Variants in PKD1L1 observed in about 807,000 individuals in gnomAD.
PKD1L1 encodes polycystin 1 like 1, transient receptor potential channel interacting, also known as polycystin-1-like protein 1.
A neutral mutation model predicts 323.4 loss-of-function variants in PKD1L1; 236 were observed. That is an observed-to-expected ratio of 0.73 (90% CI 0.66 to 0.81). PKD1L1 has a LOEUF of 0.81. Ranked by LOEUF, PKD1L1 falls within the 40% of genes least tolerant of loss-of-function variation. The pLI, the probability that PKD1L1 is intolerant of heterozygous loss-of-function variation, is 0.00. For missense variants in PKD1L1, 3,320 were observed against 3,508.0 expected (o/e 0.95, Z 1.35); for synonymous variants, 1,344 against 1,335.0 (o/e 1.01, Z -0.15).
Position 47,831,331 on chromosome 7 carries a change from C to T in PKD1L1, c.6359G>A (p.Gly2120Glu). The part of the protein sequence containing the change: ...HTQAPSSGLE[G>E]LMPQWSRALQ... ...GGCCCTTGACCACTGGGGCATTAGT[C>T]CCTCCAAACCACTGCTGGGTGCTGC... is the stretch of plus-strand genomic sequence containing the variant. Residue 2120 changes from glycine (G) to glutamate (E), a missense_variant, in exon 42 of 57, where the codon GGA becomes GAA. Coordinates refer to ENST00000289672, the MANE Select transcript of PKD1L1 (RefSeq NM_138295.5). The T allele has an allele frequency of 1.9e-6, 3 of 1,613,756 alleles. No individual in the cohort carries two copies. The highest frequency in any genetic ancestry group is 2.5e-6 in the Non-Finnish European group (3 of 1,179,866).
chr7:47,862,369 G>A (rs937077869), intron 26 of PKD1L1, among the ~76,000 whole-genome samples: 2 of 152,084 alleles, frequency 1.3e-5, no homozygotes, highest in African/African-American at 4.8e-5. Context: ...AGCAGCCTGA[G>A]ATGAGGAGGG....
chr7:47,835,090 G>A, intron 38 of PKD1L1, 43 bp downstream of exon 38: 1 of 1,608,482 alleles, frequency 6.2e-7, no homozygotes, highest in Non-Finnish European at 8.5e-7. Context: ...GCAATGAAGG[G>A]GCTGCTCAGG....
rs1244465228 is a variant in PKD1L1, at chr7:47,943,321, G to T, written c.160+75C>A. Reference sequence around the variant, plus strand: ...CAGAAAATGAAATTCCCATGTGGAAGATGTCCTGTTTATACCAGGGAAATA... The same window carrying T: ...CAGAAAATGAAATTCCCATGTGGAATATGTCCTGTTTATACCAGGGAAATA... On this transcript the variant is annotated intron_variant, in intron 2 of 56. Transcript: ENST00000289672. The T allele has an allele frequency of 2.5e-6, 3 of 1,187,690 alleles. No homozygotes were observed. The African/African-American group carries it at 4.6e-5, about 18-fold the overall frequency. 73.6% of individuals were successfully genotyped at this position (1,187,690 alleles called of 1,614,324 possible). A position where few individuals can be genotyped will look rare whatever the true frequency, so the allele number is the denominator to read the frequency against.
intron 46 of PKD1L1, among the ~76,000 whole-genome samples, chr7:47,817,439 T>TA (rs1397174061): frequency 6.6e-6 from 1 of 152,142 alleles, no homozygotes; most frequent in Admixed American, 6.5e-5. Flanking sequence ...AAAAAGTTTT[T>TA]AAAAACCTGA....
intron 17 of PKD1L1, among the ~76,000 whole-genome samples, chr7:47,886,704 A>G (rs1382013148): frequency 6.6e-6 from 1 of 152,144 alleles, no homozygotes; most frequent in Non-Finnish European, 1.5e-5. Context: ...ACCATGAGTA[A>G]AAGTTTCCTG....
chr7:47,875,436 C>T (rs114245073), intron 23 of PKD1L1, among the ~76,000 whole-genome samples: 5 of 152,216 alleles, frequency 3.3e-5, no homozygotes, highest in African/African-American at 9.7e-5. Context: ...CTTCCCTGCA[C>T]ATCAGAATCT....
intron 3 of PKD1L1, 78 bp downstream of exon 3, chr7:47,940,115 A>ATGGAGGTGCTTTTTAGC: frequency 6.5e-7 from 1 of 1,544,404 alleles, no homozygotes; most frequent in Non-Finnish European, 8.9e-7. Flanking sequence ...CTGATGAAAC[A>ATGGAGGTGCTTTTTAGC]TGGAGGTGCT....
At position 47,880,081 on chromosome 7, in the gene PKD1L1, GA is replaced by G. The variant is rs574047701; in HGVS notation, c.3520+646del. Among the ~76,000 whole-genome samples, 592 of 151,134 alleles carry G rather than the reference GA, an allele frequency of 3.9e-3. 3 individuals carry two copies. Among genetic ancestry groups the G allele is most frequent in the African/African-American group, 0.014 (572 of 41,080 alleles). On this transcript the variant is annotated intron_variant, in intron 21 of 56. Transcript: ENST00000289672. ...GCATGGAAACGCAAGAAGGAATGCAGAGCAAGGGTAAGGCGAGGCCTGTGGG... is the reference window on the plus strand; with the variant it reads ...GCATGGAAACGCAAGAAGGAATGCAGGCAAGGGTAAGGCGAGGCCTGTGGG...
In PKD1L1 at chr7:47,946,732, A is replaced by G. The variant is rs1438192838; in HGVS notation, c.44+1665T>C. ...AAATGAGGGCTACAGGAGAGTCAAG[A>G]AACCTCTTCTGTTTCTATGAACAAG... On this transcript the variant is annotated intron_variant, in intron 1 of 56. Coordinates refer to ENST00000289672, the MANE Select transcript of PKD1L1 (RefSeq NM_138295.5). This position sits in a 1 kb window ranked among gnomAD's most constrained non-coding sequence, Gnocchi z 4.1. 2.6e-5 allele frequency among the ~76,000 whole-genome samples: 4 copies of G among 152,166 alleles called. No individual in the cohort carries two copies. The East Asian group carries it at 7.7e-4, about 29-fold the overall frequency.
At chr7:47,898,296 T>G (rs1452243932) in intron 13 of PKD1L1, 102 bp from the exon 14 acceptor site, 3 of 966,138 alleles carry the variant, frequency 3.1e-6, no homozygotes, top group Non-Finnish European at 4.6e-6. Flanking sequence ...CTCCCATTAT[T>G]TGTTTGCATA....
At chr7:47,833,790 C>G (rs967184024) in intron 40 of PKD1L1, among the ~76,000 whole-genome samples, 1 of 152,188 alleles carries the variant, frequency 6.6e-6, no homozygotes, top group Non-Finnish European at 1.5e-5. Context: ...AAGGGGCAGT[C>G]ACACAGATCT....
At chr7:47,836,837 G>T in intron 37 of PKD1L1, 84 bp downstream of exon 37, 1 of 1,452,064 alleles carries the variant, frequency 6.9e-7, no homozygotes, top group Non-Finnish European at 9.3e-7. Context: ...GGAGAACTGT[G>T]AGCTTTGTTG....
intron 24 of PKD1L1, among the ~76,000 whole-genome samples, chr7:47,867,376 G>A (rs1039115776): frequency 7.9e-5 from 12 of 152,130 alleles, no homozygotes; most frequent in African/African-American, 2.4e-4. Context: ...GCTGCACAAC[G>A]AGGGGAAATA....
At chr7:47,916,365 A>G (rs1274145860) in intron 7 of PKD1L1, among the ~76,000 whole-genome samples, 2 of 152,170 alleles carry the variant, frequency 1.3e-5, no homozygotes, top group African/African-American at 4.8e-5. Context: ...GGGTTCTAAG[A>G]TTTAGGTGCC....
intron 8 of PKD1L1, among the ~76,000 whole-genome samples, chr7:47,913,697 C>A (rs1787371517): frequency 6.6e-6 from 1 of 152,186 alleles, no homozygotes; most frequent in Admixed American, 6.5e-5. Context: ...GGAAGCTGAG[C>A]AGATGCCCAC....
chr7:47,797,064 C>T (rs1324056786), intron 54 of PKD1L1, among the ~76,000 whole-genome samples: 3 of 152,044 alleles, frequency 2.0e-5, no homozygotes, highest in African/African-American at 7.2e-5. Flanking sequence ...GCTTTACACA[C>T]CCTGCAAAAC....
At chr7:47,892,642 A>C (rs1471403922) in intron 15 of PKD1L1, among the ~76,000 whole-genome samples, 1 of 152,208 alleles carries the variant, frequency 6.6e-6, no homozygotes, top group Non-Finnish European at 1.5e-5. Flanking sequence ...AACAGTCCAG[A>C]CTTTAACACC....
intron 54 of PKD1L1, among the ~76,000 whole-genome samples, chr7:47,797,573 A>G (rs1784571292): frequency 6.6e-6 from 1 of 152,168 alleles, no homozygotes; most frequent in Non-Finnish European, 1.5e-5. Context: ...CCTCAATGCA[A>G]TATTGCCTGC....
intron 40 of PKD1L1, among the ~76,000 whole-genome samples, chr7:47,833,984 CCA>C (rs1785403064): frequency 6.6e-6 from 1 of 152,230 alleles, no homozygotes; most frequent in Non-Finnish European, 1.5e-5. Flanking sequence ...CCTTGCTGCT[CCA>C]CAGTGTCTCT....
Sources: allele counts gnomAD v4.1 joint callset (sites outside exome capture counted in the v4.1 genomes callset), GRCh38; gene constraint gnomAD v4.1.1; non-coding constraint Gnocchi (gnomAD v3.1); transcripts MANE v1.5; gene names NCBI Gene and HGNC (gene_info 2026-07-23, HGNC 2026-07-21).